TMEM92: variants seen among roughly 807,000 people sequenced by gnomAD.
The protein encoded by TMEM92 is transmembrane protein 92.
In TMEM92, 15 loss-of-function variants were observed where a neutral mutation model predicts 14.6. The ratio of observed to expected loss-of-function variants is 1.03; its 90% CI spans 0.69 to 1.58. The LOEUF is 1.58. Among genes scored for constraint, TMEM92 ranks in the 40% most tolerant of loss-of-function variants. TMEM92 has a pLI of 0.00. For missense variants in TMEM92, 174 were observed against 202.4 expected, an observed-to-expected ratio of 0.86 and a Z score of 0.85; for synonymous variants, 85 against 83.3, an observed-to-expected ratio of 1.02 and a Z score of -0.11.
chr17:50,273,078 G>T (rs1446500604), upstream of TMEM92, among the ~76,000 whole-genome samples: 1 of 152,156 alleles, frequency 6.6e-6, no homozygotes, highest in Non-Finnish European at 1.5e-5. Flanking sequence ...CGACGTCGGG[G>T]GTGTTTTTCA....
At chr17:50,279,068 A>T (rs1910527578) in intron 4 of TMEM92, 72 bp downstream of exon 4, 1 of 1,408,926 alleles carries the variant, frequency 7.1e-7, no homozygotes, top group Non-Finnish European at 1.0e-6. Context: ...GGGCCCTTCG[A>T]TCCTGGAGGG....
At chr17:50,278,490 A>T in intron 2 of TMEM92, 66 bp from the exon 3 acceptor site, 1 of 1,572,314 alleles carries the variant, frequency 6.4e-7, no homozygotes. Context: ...GGAGGCTGGG[A>T]TCCTTCTGCC....
At position 50,281,091 on chromosome 17, in the gene TMEM92, ACTC is replaced by A. The variant is rs1357459219; in HGVS notation, c.*1789_*1791del. On this transcript the variant is annotated 3_prime_UTR_variant, in exon 5 of 5. Coordinates refer to ENST00000507382, the MANE Select transcript of TMEM92 (RefSeq NM_153229.3). ...CCTTCCTTTCATCACAGGGCCTTTA[ACTC>A]CTCCTAGGGAGTAGCAGAGTGGCCC... 1.3e-5 allele frequency: 2 copies of A among 151,964 alleles called. No individual in the cohort carries two copies. The highest frequency in any genetic ancestry group is 2.9e-5 in the Non-Finnish European group (2 of 67,958). 9.4% of individuals were successfully genotyped at this position (151,964 alleles called of 1,614,324 possible).
chr17:50,278,727 C>T (rs1910511584), intron 3 of TMEM92, 74 bp from the exon 4 acceptor site: 3 of 1,569,260 alleles, frequency 1.9e-6, no homozygotes, highest in South Asian at 1.2e-5. Context: ...GTGTGGGCGG[C>T]GGGAGCGGGG....
At chr17:50,273,075 G>A (rs1266322320), upstream of TMEM92, among the ~76,000 whole-genome samples, 1 of 152,118 alleles carries the variant, frequency 6.6e-6, no homozygotes, top group African/African-American at 2.4e-5. Context: ...CCACGACGTC[G>A]GGGGTGTTTT....
In TMEM92 at chr17:50,280,611, G is replaced by A. The variant is rs1304815892; in HGVS notation, c.*1303G>A. 1 of 152,414 alleles carries A rather than the reference G, an allele frequency of 6.6e-6. No individual in the cohort carries two copies. Among genetic ancestry groups the A allele is most frequent in the Admixed American group, 6.5e-5 (1 of 15,286 alleles). The allele number at this position is 152,414 out of a possible 1,614,324, so 9.4% of individuals were successfully genotyped here. On this transcript the variant is annotated 3_prime_UTR_variant, in exon 5 of 5. Transcript: ENST00000507382. ...ATGTCAATGCTGGCCAAAGCTCTCAGGAGGATTGGAGGTAGAACTGGCCCT... is the reference window on the plus strand; with the variant it reads ...ATGTCAATGCTGGCCAAAGCTCTCAAGAGGATTGGAGGTAGAACTGGCCCT...
upstream of TMEM92, among the ~76,000 whole-genome samples, chr17:50,272,181 TC>T (rs1286694169): frequency 6.6e-6 from 1 of 151,796 alleles, no homozygotes; most frequent in Non-Finnish European, 1.5e-5. Context: ...GCCAGCCTCC[TC>T]CCCCTCCTCC....
chr17:50,277,920 C>T (rs558302028), intron 2 of TMEM92, among the ~76,000 whole-genome samples, 180 bp downstream of exon 2: 1 of 152,294 alleles, frequency 6.6e-6, no homozygotes, highest in South Asian at 2.1e-4. Context: ...TCTACCTCCA[C>T]CAACAAACTC....
At position 50,279,883 on chromosome 17, in the gene TMEM92, T is replaced by C. The variant is rs934902028; in HGVS notation, c.*575T>C. 5.1e-5 allele frequency: 8 copies of C among 155,476 alleles called. No individual in the cohort carries two copies. 9.6% of individuals were successfully genotyped at this position (155,476 alleles called of 1,614,324 possible). On this transcript the variant is annotated 3_prime_UTR_variant, in exon 5 of 5. Coordinates refer to ENST00000507382, the MANE Select transcript of TMEM92 (RefSeq NM_153229.3). ...CAGGCACTGCTGAGGGGTGCGGTGA[T>C]GGGGTCGCTGCGCCGCAATCCCACC...
upstream of TMEM92, among the ~76,000 whole-genome samples, chr17:50,272,343 C>T (rs1176057023): frequency 6.6e-6 from 1 of 152,186 alleles, no homozygotes; most frequent in African/African-American, 2.4e-5. Flanking sequence ...CAACCATTTT[C>T]CCATTTTCCT....
Position 50,278,642 on chromosome 17 carries a change from G to T in TMEM92, c.170+12G>T, listed in dbSNP as rs762316229. 1.2e-6 allele frequency: 2 copies of T among 1,613,140 alleles called. No individual in the cohort carries two copies. Among genetic ancestry groups the T allele is most frequent in the Non-Finnish European group, 1.7e-6 (2 of 1,179,690 alleles). On this transcript the variant is annotated intron_variant, in intron 3 of 4. Transcript: ENST00000507382. ...CCTGGCCCCGTGAGGTGAGCCCAGG[G>T]CCAGCTCCTTTGGGTGCAGTCCTTG... is the stretch of plus-strand genomic sequence containing the variant.
chr17:50,274,663 C>A, intron 1 of TMEM92, 93 bp downstream of exon 1: 1 of 1,153,412 alleles, frequency 8.7e-7, no homozygotes, highest in Non-Finnish European at 1.2e-6. Flanking sequence ...CTTCCAGAAT[C>A]AGGATTTCCT....
chr17:50,275,384 G>A (rs551630641), intron 1 of TMEM92, among the ~76,000 whole-genome samples: 45 of 152,166 alleles, frequency 3.0e-4, no homozygotes, highest in African/African-American at 1.2e-4. Flanking sequence ...AAACCCTTCC[G>A]TGGACCCGGG....
rs1287354921 is a variant in TMEM92 at position 50,279,758 on chromosome 17, AC to A, written c.*453del. 1 of 221,268 alleles carries A rather than the reference AC, an allele frequency of 4.5e-6. No individual in the cohort carries two copies. Among genetic ancestry groups the A allele is most frequent in the Non-Finnish European group, 9.0e-6 (1 of 111,314 alleles). 13.7% of individuals were successfully genotyped at this position (221,268 alleles called of 1,614,324 possible). A position where few individuals can be genotyped will look rare whatever the true frequency, so the allele number is the denominator to read the frequency against. On this transcript the variant is annotated 3_prime_UTR_variant, in exon 5 of 5. Coordinates refer to ENST00000507382, the MANE Select transcript of TMEM92 (RefSeq NM_153229.3). ...CCTGAATAGAGAACTCACTGCACCCACCCACAACACATGATAAACACATGTC... is the reference window on the plus strand; with the variant it reads ...CCTGAATAGAGAACTCACTGCACCCACCACAACACATGATAAACACATGTC...
chr17:50,276,626 C>G (rs924648635), intron 1 of TMEM92, among the ~76,000 whole-genome samples: 1 of 152,134 alleles, frequency 6.6e-6, no homozygotes, highest in Admixed American at 6.5e-5. Flanking sequence ...ATGCCCTTCC[C>G]CACCACCCAT....
chr17:50,274,407 C>T, upstream of TMEM92: 1 of 1,313,548 alleles, frequency 7.6e-7, no homozygotes, highest in Middle Eastern at 2.1e-4. Flanking sequence ...AGCTCCGCCC[C>T]CATCCCGAGG....
chr17:50,274,205 T>A (rs954320931), upstream of TMEM92, among the ~76,000 whole-genome samples: 3 of 152,016 alleles, frequency 2.0e-5, no homozygotes, highest in Non-Finnish European at 4.4e-5. Flanking sequence ...GGTCTCGAAC[T>A]CCTGACCTGA....
rs771788479 is a variant in TMEM92, at chr17:50,274,469, T to C, written c.-33T>C. On this transcript the variant is annotated 5_prime_UTR_variant, in exon 1 of 5. Transcript: ENST00000507382. Reference sequence around the variant, plus strand: ...GGAGAGGTCGCAGCCCCGCCTTCTCTACACAGGAAAGCTCAGTGGCCCCCA... The same window carrying C: ...GGAGAGGTCGCAGCCCCGCCTTCTCCACACAGGAAAGCTCAGTGGCCCCCA... The C allele has an allele frequency of 1.9e-6, 3 of 1,613,060 alleles. No individual in the cohort carries two copies. In the African/African-American group the frequency reaches 4.0e-5, roughly 22 times the overall value.
upstream of TMEM92, chr17:50,274,405 C>T (rs1046893745): frequency 7.8e-6 from 10 of 1,287,736 alleles, no homozygotes; most frequent in Non-Finnish European, 1.0e-5. Context: ...GCAGCTCCGC[C>T]CCCATCCCGA....
Sources: gnomAD v4.1 joint callset for allele counts (sites outside exome capture counted in the v4.1 genomes callset) on GRCh38, gnomAD v4.1.1 for gene constraint, MANE v1.5 for transcripts, NCBI Gene and HGNC (gene_info 2026-07-23, HGNC 2026-07-21) for gene names.